The following COL9A1 variants were observed in gnomAD, a reference collection of about 807,000 sequenced individuals.
COL9A1 encodes collagen alpha-1(IX) chain.
COL9A1 carries 104 observed loss-of-function variants against 142.6 expected under a neutral mutation model. That is an observed-to-expected ratio of 0.73 (90% CI 0.62 to 0.86). COL9A1 has a LOEUF of 0.86. Ranked by LOEUF, COL9A1 falls within the 40% of genes least tolerant of loss-of-function variation. The probability of loss-of-function intolerance (pLI) is 0.00; values close to 1 mark genes in which losing one functional copy is unlikely to be tolerated. For synonymous variants in COL9A1, 466 were observed against 396.0 expected (o/e 1.18, Z -2.10); for missense variants, 1,210 against 1,176.6 (o/e 1.03, Z -0.42).
intron 24 of COL9A1, 190 bp from the exon 25 acceptor site, chr6:70,254,719 G>T: frequency 1.5e-6 from 1 of 678,172 alleles, no homozygotes. Context: ...CAACCAAAAT[G>T]CACAGTCTCT....
Position 70,256,785 on chromosome 6 carries a change from C to A in COL9A1, c.1486G>T (p.Gly496Cys). 1 of 1,613,040 alleles carries A rather than the reference C, an allele frequency of 6.2e-7. No homozygotes were observed. The highest frequency in any genetic ancestry group is 1.1e-5 in the South Asian group (1 of 91,036). The change falls in exon 21 of 38, where the codon GGT becomes TGT. Residue 496 changes from glycine to cysteine, a missense_variant. Gly to Cys is a radical substitution (Grantham distance 159). Transcript: ENST00000357250. ...TCACTTACAGGTGCACCAGGAAGACCCTGAGGCCCAGGTTCACCATCTAAG... is the reference window on the plus strand; with the variant it reads ...TCACTTACAGGTGCACCAGGAAGACACTGAGGCCCAGGTTCACCATCTAAG... ...RGLDGEPGPQ[G>C]LPGAPGDQGQ...
At chr6:70,263,971 C>G (rs989959343) in intron 18 of COL9A1, among the ~76,000 whole-genome samples, 1 of 151,482 alleles carries the variant, frequency 6.6e-6, no homozygotes, top group Non-Finnish European at 1.5e-5. Context: ...CATCTTTTTT[C>G]TTTTTTCTTA....
At position 70,277,538 on chromosome 6, in the gene COL9A1, A is replaced by G. The variant is rs542864055; in HGVS notation, c.976-2766T>C. ...CTTCATATGAATATTCATACAGACA[A>G]ACTTCTATACATTATAACATTGAAG... On this transcript the variant is annotated intron_variant, in intron 10 of 37. Transcript: ENST00000357250. Among the ~76,000 whole-genome samples, 4 of 152,302 alleles carry G rather than the reference A, an allele frequency of 2.6e-5. 1 individual carries two copies. The South Asian group carries it at 8.3e-4, about 32-fold the overall frequency.
intron 5 of COL9A1, among the ~76,000 whole-genome samples, chr6:70,290,478 T>C (rs543673547): frequency 6.6e-6 from 1 of 152,178 alleles, no homozygotes; most frequent in African/African-American, 2.4e-5. Context: ...TAACCATGAA[T>C]GATGAGAAGA....
chr6:70,226,946 C>T (rs1385043354), intron 36 of COL9A1, among the ~76,000 whole-genome samples: 1 of 152,056 alleles, frequency 6.6e-6, no homozygotes, highest in Non-Finnish European at 1.5e-5. Context: ...ATTAAATCAA[C>T]TAAAATGTGT....
chr6:70,245,277 TAATC>T (rs1214047485), intron 28 of COL9A1, among the ~76,000 whole-genome samples: 2 of 152,186 alleles, frequency 1.3e-5, no homozygotes, highest in African/African-American at 2.4e-5. Flanking sequence ...TGAACATAAA[TAATC>T]AAGATATAAA....
intron 29 of COL9A1, 173 bp from the exon 30 acceptor site, chr6:70,242,208 G>C: frequency 1.5e-6 from 1 of 676,668 alleles, no homozygotes; most frequent in Non-Finnish European, 2.7e-6. Context: ...AAGAGGGCGG[G>C]GCCAATGTTC....
intron 33 of COL9A1, among the ~76,000 whole-genome samples, chr6:70,235,781 C>A (rs1393083806): frequency 6.6e-6 from 1 of 151,914 alleles, no homozygotes; most frequent in Non-Finnish European, 1.5e-5. Context: ...TAAACTAAAT[C>A]AATGCACTTA....
At position 70,294,246 on chromosome 6, in the gene COL9A1, A is replaced by G; in HGVS notation, c.617T>C (p.Ile206Thr). Residue 206 changes from isoleucine (I) to threonine (T), a missense_variant, in exon 5 of 38, where the codon ATA becomes ACA. By Grantham distance (89) the Ile-to-Thr change is moderately conservative. Transcript: ENST00000357250. ...VDCNRIESLP[I>T]KPRGPIDIDG... ...AATGTCAATTGGGCCTCTTGGCTTTATAGGTAAAGATTCAATCCTGTTGCA... is the reference window on the plus strand; with the variant it reads ...AATGTCAATTGGGCCTCTTGGCTTTGTAGGTAAAGATTCAATCCTGTTGCA... 1 of 1,614,100 alleles carries G rather than the reference A, an allele frequency of 6.2e-7. No homozygotes were observed.
chr6:70,271,464 G>A lies in COL9A1; in HGVS notation c.1143+191C>T, dbSNP rs6905099. Among the ~76,000 whole-genome samples, 468 of 152,128 alleles carry A rather than the reference G, an allele frequency of 3.1e-3. 3 individuals carry two copies. The highest frequency in any genetic ancestry group is 0.011 in the African/African-American group (447 of 41,484). ...AAGAAAAGTTTAGCTGAAAAATTTA[G>A]GAAAAAATTAAAATCACTCTGCAAA... is the stretch of plus-strand genomic sequence containing the variant. On this transcript the variant is annotated intron_variant, in intron 14 of 37. Transcript: ENST00000357250.
intron 20 of COL9A1, among the ~76,000 whole-genome samples, chr6:70,258,264 A>AT (rs1771454021): frequency 6.6e-6 from 1 of 152,238 alleles, no homozygotes; most frequent in African/African-American, 2.4e-5. Context: ...CTTCTAATGA[A>AT]CCAAGTTGAG....
At chr6:70,228,274 C>A (rs1029525915) in intron 36 of COL9A1, among the ~76,000 whole-genome samples, 1 of 151,984 alleles carries the variant, frequency 6.6e-6, no homozygotes, top group African/African-American at 2.4e-5. Context: ...GATTTAGCAG[C>A]CACAGAACAA....
At position 70,216,787 on chromosome 6, in the gene COL9A1, T is replaced by TGTAATCATGCTGAAG; in HGVS notation, c.*95_*109dup. ...TGTAATCATACTGAAGGTAATACATTGTAATCATGCTGAAGGTAATCATCT... is the reference window on the plus strand; with the variant it reads ...TGTAATCATACTGAAGGTAATACATTGTAATCATGCTGAAGGTAATCATGCTGAAGGTAATCATCT... On this transcript the variant is annotated 3_prime_UTR_variant, in exon 38 of 38. Coordinates refer to ENST00000357250, the MANE Select transcript of COL9A1 (RefSeq NM_001851.6). The TGTAATCATGCTGAAG allele has an allele frequency of 9.0e-7, 1 of 1,106,624 alleles. No homozygotes were observed. The highest frequency in any genetic ancestry group is 1.4e-6 in the Non-Finnish European group (1 of 737,822). 68.6% of individuals were successfully genotyped at this position (1,106,624 alleles called of 1,614,324 possible). A position where few individuals can be genotyped will look rare whatever the true frequency, so the allele number is the denominator to read the frequency against.
chr6:70,257,758 C>CA (rs1054271149), intron 20 of COL9A1, among the ~76,000 whole-genome samples: 18 of 152,186 alleles, frequency 1.2e-4, no homozygotes, highest in African/African-American at 4.3e-4. Context: ...AAAACACACA[C>CA]AAAAAATTTA....
At chr6:70,221,324 A>T (rs1210408380) in intron 37 of COL9A1, among the ~76,000 whole-genome samples, 2 of 152,310 alleles carry the variant, frequency 1.3e-5, no homozygotes, top group Non-Finnish European at 1.5e-5. Context: ...GGTTATGTAG[A>T]CTTTTTGTAT....
At chr6:70,302,128 C>G (rs2242589) in intron 1 of COL9A1, 54 bp from the exon 2 acceptor site, 1 of 1,185,104 alleles carries the variant, frequency 8.4e-7, no homozygotes, top group Admixed American at 1.9e-5. Context: ...AGATGGAAAA[C>G]ACTTCCATAT....
intron 37 of COL9A1, among the ~76,000 whole-genome samples, chr6:70,223,155 A>G (rs540777846): frequency 5.4e-4 from 82 of 152,308 alleles, no homozygotes; most frequent in Non-Finnish European, 9.8e-4. Context: ...ACTGCTGATC[A>G]ACGGCAAGAG....
chr6:70,223,020 T>C (rs926986449), intron 37 of COL9A1, among the ~76,000 whole-genome samples: 1 of 152,114 alleles, frequency 6.6e-6, no homozygotes, highest in Non-Finnish European at 1.5e-5. Context: ...AGTGGACAAT[T>C]AACCAGTGAA....
intron 37 of COL9A1, among the ~76,000 whole-genome samples, chr6:70,224,748 T>TC (rs1769120146): frequency 1.3e-5 from 2 of 152,170 alleles, no homozygotes; most frequent in Middle Eastern, 3.2e-3. Context: ...CTTCTCTAAA[T>TC]CCCATTTAAG....
Sources: allele counts gnomAD v4.1 joint callset (sites outside exome capture counted in the v4.1 genomes callset), GRCh38; gene constraint gnomAD v4.1.1; transcripts MANE v1.5; gene names NCBI Gene and HGNC (gene_info 2026-07-23, HGNC 2026-07-21).